KLHL6: variants seen among roughly 807,000 people sequenced by gnomAD.
KLHL6 encodes kelch-like protein 6.
In KLHL6, 41 loss-of-function variants were observed where a neutral mutation model predicts 58.6. The ratio of observed to expected loss-of-function variants is 0.70; its 90% CI spans 0.55 to 0.91. KLHL6 has a LOEUF of 0.91. Ranked by LOEUF, KLHL6 falls within the 40% of genes least tolerant of loss-of-function variation. The pLI is 0.00. For missense variants in KLHL6, 714 were observed against 805.6 expected (o/e 0.89, Z 1.38); for synonymous variants, 338 against 322.7 (o/e 1.05, Z -0.51).
intron 1 of KLHL6, among the ~76,000 whole-genome samples, chr3:183,547,019 C>T (rs553318583): frequency 9.3e-5 from 14 of 150,248 alleles, no homozygotes; most frequent in African/African-American, 3.4e-4. Flanking sequence ...TCAATCGATT[C>T]TCCGGCCTCA....
intron 2 of KLHL6, among the ~76,000 whole-genome samples, chr3:183,523,507 G>A (rs376498773): frequency 2.0e-5 from 3 of 152,116 alleles, no homozygotes; most frequent in African/African-American, 4.8e-5. Context: ...CTTTGGCCAC[G>A]GGACTTAGCC....
Position 183,499,786 on chromosome 3 carries a change from C to T in KLHL6, c.951G>A (p.Gln317=), listed in dbSNP as rs577428463. The T allele has an allele frequency of 1.2e-6, 2 of 1,605,348 alleles. No individual in the cohort carries two copies. The highest frequency in any genetic ancestry group is 2.2e-5 in the East Asian group (1 of 44,448). ...CGCCAATGATCATGAACACCTCAGACTGGAACTCATGCATCCTGGGCTTGG... is the reference window on the plus strand; with the variant it reads ...CGCCAATGATCATGAACACCTCAGATTGGAACTCATGCATCCTGGGCTTGG... ...ERTKPRMHEF[Q]SEVFMIIGGC... is the part of the protein sequence containing the mutation. The change falls in exon 4 of 7, where the codon CAG becomes CAA. Residue 317 remains glutamine, a synonymous_variant. Transcript: ENST00000341319. The surrounding 1 kb of genome is among the most constrained non-coding windows in gnomAD (Gnocchi z 4.6).
chr3:183,511,103 T>A (rs182382543), intron 2 of KLHL6, among the ~76,000 whole-genome samples: 112 of 152,244 alleles, frequency 7.4e-4, no homozygotes, highest in Non-Finnish European at 1.4e-3. Context: ...CAGTATTTAT[T>A]GATTACTATT....
At chr3:183,526,730 A>G (rs1711984724) in intron 2 of KLHL6, among the ~76,000 whole-genome samples, 1 of 152,182 alleles carries the variant, frequency 6.6e-6, no homozygotes, top group South Asian at 2.1e-4. Flanking sequence ...GAAGTTCATC[A>G]CTTGAGAGAA....
At chr3:183,494,615 G>A (rs553432876) in intron 4 of KLHL6, among the ~76,000 whole-genome samples, 5 of 152,224 alleles carry the variant, frequency 3.3e-5, no homozygotes, top group Non-Finnish European at 7.3e-5. Context: ...ACCAGAGGGA[G>A]CCTGGACTCA....
intron 1 of KLHL6, among the ~76,000 whole-genome samples, chr3:183,541,376 A>C (rs777391752): frequency 2.5e-4 from 38 of 152,330 alleles, no homozygotes; most frequent in Admixed American, 7.2e-4. Flanking sequence ...TCTAGACGTG[A>C]AGGAGGAGCT....
chr3:183,510,874 AAAAT>A (rs55944280), intron 2 of KLHL6, among the ~76,000 whole-genome samples: 1 of 148,160 alleles, frequency 6.7e-6, no homozygotes. Context: ...ACTCCATCTC[AAAAT>A]AAATAAATAA....
In KLHL6 at chr3:183,491,978, C is replaced by G. The variant is rs776808692; in HGVS notation, c.1815G>C (p.Arg605Ser). The G allele has an allele frequency of 1.9e-6, 3 of 1,572,388 alleles. No homozygotes were observed. The highest frequency in any genetic ancestry group is 2.6e-6 in the Non-Finnish European group (3 of 1,157,254). ...TCCTGCGGATGTGGGTGTACGACTT[C>G]CTGATGGTGACGCTGCCGTGGTGCG... ...GVSHHGSVTI[R>S]KSYTHIRRIV... Residue 605 changes from arginine to serine, a missense_variant, in exon 7 of 7, where the codon AGG (arginine) becomes AGC (serine). By Grantham distance (110) the Arg-to-Ser change is moderately radical. Transcript: ENST00000341319.
chr3:183,519,895 C>CAAAAAAAAAAA (rs56101517), intron 2 of KLHL6, among the ~76,000 whole-genome samples: 1 of 83,258 alleles, frequency 1.2e-5, no homozygotes, highest in African/African-American at 5.3e-5. Flanking sequence ...AACCCTGTCT[C>CAAAAAAAAAAA]AAAAAAAAAA....
chr3:183,516,066 G>C (rs1190280524), intron 2 of KLHL6, among the ~76,000 whole-genome samples: 1 of 152,238 alleles, frequency 6.6e-6, no homozygotes, highest in Non-Finnish European at 1.5e-5. Flanking sequence ...GCTCCAGTCA[G>C]CATCGTGGTG....
intron 1 of KLHL6, among the ~76,000 whole-genome samples, chr3:183,554,815 G>A (rs931574614): frequency 1.3e-5 from 2 of 152,190 alleles, no homozygotes; most frequent in Admixed American, 1.3e-4. Context: ...TAGAATGTAA[G>A]CATTGCTTTT....
Position 183,539,690 on chromosome 3 carries a change from C to A in KLHL6, c.294-11680G>T, listed in dbSNP as rs376711160. ...CACTACTGCACTCCAGCCTGGGTGA[C>A]AGTGTGAGACTCCATCTCAAAAAAA... On this transcript the variant is annotated intron_variant, in intron 1 of 6. Transcript: ENST00000341319. Among the ~76,000 whole-genome samples, 5 of 149,136 alleles carry A rather than the reference C, an allele frequency of 3.4e-5. No homozygotes were observed. The East Asian group carries it at 7.9e-4, about 23-fold the overall frequency.
At chr3:183,550,981 C>T (rs189597753) in intron 1 of KLHL6, among the ~76,000 whole-genome samples, 3 of 151,552 alleles carry the variant, frequency 2.0e-5, no homozygotes, top group Non-Finnish European at 2.9e-5. Flanking sequence ...ATTAGCTGGG[C>T]GTGGTGGCGG....
intron 1 of KLHL6, among the ~76,000 whole-genome samples, chr3:183,544,219 G>A (rs1254869758): frequency 6.7e-6 from 1 of 148,580 alleles, no homozygotes; most frequent in Non-Finnish European, 1.5e-5. Flanking sequence ...TTGTAATTAT[G>A]GTGGCCTTAA....
Position 183,499,943 on chromosome 3 carries a change from A to G in KLHL6, c.910-116T>C, listed in dbSNP as rs1717826943. The G allele has an allele frequency of 1.5e-6, 1 of 665,168 alleles. No homozygotes were observed. The highest frequency in any genetic ancestry group is 2.5e-6 in the Non-Finnish European group (1 of 405,938). 41.2% of individuals were successfully genotyped at this position (665,168 alleles called of 1,614,324 possible). On this transcript the variant is annotated intron_variant, in intron 3 of 6. Coordinates refer to ENST00000341319, the MANE Select transcript of KLHL6 (RefSeq NM_130446.4). This position sits in a 1 kb window ranked among gnomAD's most constrained non-coding sequence, Gnocchi z 4.6. ...ATATCTGCCACGGTATGACCATGTG[A>G]CTTCACCTCCCTGAGCCTCAGTTTC...
intron 1 of KLHL6, among the ~76,000 whole-genome samples, chr3:183,529,791 A>G (rs1007488900): frequency 1.3e-5 from 2 of 151,834 alleles, no homozygotes; most frequent in African/African-American, 2.4e-5. Context: ...TCTCAAAAAA[A>G]AAAGAAAGAA....
chr3:183,545,896 T>A (rs1239629865), intron 1 of KLHL6, among the ~76,000 whole-genome samples: 3 of 152,208 alleles, frequency 2.0e-5, no homozygotes. Context: ...CCCACACAAC[T>A]CTGTGAGGAC....
intron 4 of KLHL6, among the ~76,000 whole-genome samples, chr3:183,495,020 T>G (rs1307509328): frequency 6.6e-6 from 1 of 152,204 alleles, no homozygotes; most frequent in African/African-American, 2.4e-5. Context: ...AATCAAATAT[T>G]TAACAGCTTT....
chr3:183,554,845 T>C (rs1267492948), intron 1 of KLHL6, among the ~76,000 whole-genome samples: 5 of 152,262 alleles, frequency 3.3e-5, no homozygotes, highest in African/African-American at 1.2e-4. Context: ...CAATCTCTCT[T>C]TTAATGTGGC....
Sources: allele counts gnomAD v4.1 joint callset (sites outside exome capture counted in the v4.1 genomes callset), GRCh38; gene constraint gnomAD v4.1.1; non-coding constraint Gnocchi (gnomAD v3.1); transcripts MANE v1.5; gene names NCBI Gene and HGNC (gene_info 2026-07-23, HGNC 2026-07-21).